The following DSG2 variants were observed in gnomAD, a reference collection of about 807,000 sequenced individuals.
DSG2 encodes desmoglein-2.
DSG2 carries 45 observed loss-of-function variants against 75.6 expected under a neutral mutation model. The ratio of observed to expected loss-of-function variants is 0.60; its 90% CI spans 0.47 to 0.76. The LOEUF is 0.76. Ranked by LOEUF, DSG2 falls within the 30% of genes least tolerant of loss-of-function variation. The pLI is 0.00. For synonymous variants in DSG2, 429 were observed against 483.9 expected, an observed-to-expected ratio of 0.89 and a Z score of 1.49; for missense variants, 1,267 against 1,357.4, an observed-to-expected ratio of 0.93 and a Z score of 1.05.
chr18:31,539,505 A>C (rs932331491), intron 12 of DSG2, among the ~76,000 whole-genome samples: 35 of 152,190 alleles, frequency 2.3e-4, no homozygotes, highest in African/African-American at 8.4e-4. Flanking sequence ...AGACCCTCTG[A>C]GCACTTCCTG....
rs771083574 is a variant in DSG2, at chr18:31,536,355, G to C, written c.1577G>C (p.Ser526Thr). Residue 526 changes from serine (S) to threonine (T), a missense_variant, in exon 11 of 15, where the codon AGT becomes ACT. Coordinates refer to ENST00000261590, the MANE Select transcript of DSG2 (RefSeq NM_001943.5). ...GAGGACCTGGATGGACACCCAAACAGTGGCCCTTTCAGTTTCTCCGTCATT... is the reference window on the plus strand; with the variant it reads ...GAGGACCTGGATGGACACCCAAACACTGGCCCTTTCAGTTTCTCCGTCATT... ...TAEDLDGHPN[S>T]GPFSFSVIDK... The C allele has an allele frequency of 6.2e-7, 1 of 1,614,078 alleles. No individual in the cohort carries two copies. Among genetic ancestry groups the C allele is most frequent in the Non-Finnish European group, 8.5e-7 (1 of 1,180,052 alleles).
chr18:31,547,164 A>G lies in DSG2; in HGVS notation c.*421A>G, dbSNP rs1337521952. 2 of 296,846 alleles carry G rather than the reference A, an allele frequency of 6.7e-6. No homozygotes were observed. Among genetic ancestry groups the G allele is most frequent in the Non-Finnish European group, 1.3e-5 (2 of 153,982 alleles). The allele number at this position is 296,846 out of a possible 1,614,324, so 18.4% of individuals were successfully genotyped here. On this transcript the variant is annotated 3_prime_UTR_variant, in exon 15 of 15. Coordinates refer to ENST00000261590, the MANE Select transcript of DSG2 (RefSeq NM_001943.5). ...TAAACATTGATGTTCTGTATTCTGT[A>G]CTTTACTGCACCCAGCAGACTTTCA...
At chr18:31,500,036 TAAAAAAAAAA>T (rs10625787) in intron 1 of DSG2, among the ~76,000 whole-genome samples, 1 of 110,996 alleles carries the variant, frequency 9.0e-6, no homozygotes, top group African/African-American at 3.3e-5. Flanking sequence ...AGTTTTTTGG[TAAAAAAAAAA>T]AAAAAAAAAA....
intron 1 of DSG2, among the ~76,000 whole-genome samples, chr18:31,514,033 A>G (rs1377787174): frequency 6.6e-6 from 1 of 152,246 alleles, no homozygotes; most frequent in African/African-American, 2.4e-5. Context: ...ACCAGAGGAT[A>G]TAAAGGAGAA....
At chr18:31,539,508 A>G (rs2073253431) in intron 12 of DSG2, among the ~76,000 whole-genome samples, 1 of 152,192 alleles carries the variant, frequency 6.6e-6, no homozygotes, top group South Asian at 2.1e-4. Flanking sequence ...CCCTCTGAGC[A>G]CTTCCTGTCC....
chr18:31,529,980 G>GTTATAAACA (rs1393422410), intron 8 of DSG2, among the ~76,000 whole-genome samples: 11 of 152,106 alleles, frequency 7.2e-5, no homozygotes, highest in African/African-American at 2.7e-4. Context: ...CTATGGAAAT[G>GTTATAAACA]TTTATAAAAA....
chr18:31,517,762 C>T (rs915169468), intron 1 of DSG2, among the ~76,000 whole-genome samples: 1 of 151,794 alleles, frequency 6.6e-6, no homozygotes, highest in African/African-American at 2.4e-5. Flanking sequence ...GCTGAGGAAC[C>T]GAGAAGTCAG....
At chr18:31,528,478 G>A (rs184726324) in intron 8 of DSG2, among the ~76,000 whole-genome samples, 65 of 152,228 alleles carry the variant, frequency 4.3e-4, no homozygotes, top group Non-Finnish European at 5.9e-4. Flanking sequence ...TTGGGAGGCC[G>A]AGGTTGGGGG....
chr18:31,544,891 C>G (rs942686323), intron 14 of DSG2, among the ~76,000 whole-genome samples: 16 of 152,162 alleles, frequency 1.1e-4, no homozygotes, highest in African/African-American at 3.6e-4. Flanking sequence ...GGAGGGGCTT[C>G]CATTGAGGAA....
In DSG2 at chr18:31,542,680, A is replaced by G. The variant is rs756912703; in HGVS notation, c.2162A>G (p.His721Arg). ...MSEMDGRWEE[H>R]RSLLSGRATQ... ...GAGATGGATGGAAGGTGGGAAGAAC[A>G]CAGAAGCCTGCTTTCTGGTAGAGCT... is the stretch of plus-strand genomic sequence containing the variant. Residue 721 changes from histidine (H) to arginine (R), a missense_variant, in exon 14 of 15, where the codon CAC becomes CGC. Coordinates refer to ENST00000261590, the MANE Select transcript of DSG2 (RefSeq NM_001943.5). 22 of 1,614,072 alleles carry G rather than the reference A, an allele frequency of 1.4e-5. No homozygotes were observed. In the Admixed American group the frequency reaches 3.5e-4, roughly 26 times the overall value.
intron 1 of DSG2, among the ~76,000 whole-genome samples, chr18:31,504,569 G>A (rs148883436): frequency 3.3e-5 from 5 of 152,080 alleles, no homozygotes; most frequent in African/African-American, 1.2e-4. Context: ...GACGGCAGAG[G>A]GGGGGACACA....
intron 12 of DSG2, 72 bp from the exon 13 acceptor site, chr18:31,541,120 CA>C: frequency 6.2e-7 from 1 of 1,604,132 alleles, no homozygotes; most frequent in Non-Finnish European, 8.5e-7. Context: ...ATGCAAATTC[CA>C]AAATTGTGCA....
chr18:31,537,537 T>C (rs12605787), intron 11 of DSG2, among the ~76,000 whole-genome samples: 33,261 of 151,282 alleles, frequency 0.22, 4,371 homozygotes, highest in East Asian at 0.47. Flanking sequence ...GAGAATGGCA[T>C]GAACCCAGAA....
chr18:31,533,349 G>GT (rs1450509259), intron 9 of DSG2, among the ~76,000 whole-genome samples: 2 of 152,100 alleles, frequency 1.3e-5, no homozygotes, highest in Non-Finnish European at 2.9e-5. Flanking sequence ...GGTGGCACAT[G>GT]TTTGTAGTCC....
intron 1 of DSG2, among the ~76,000 whole-genome samples, chr18:31,508,936 A>G (rs554292664): frequency 1.1e-4 from 17 of 152,294 alleles, no homozygotes; most frequent in Non-Finnish European, 2.1e-4. Flanking sequence ...AGACCTACTG[A>G]GTCAGACACT....
In DSG2 at chr18:31,518,282, A is replaced by AGGC. The variant is rs759298412; in HGVS notation, c.81+8_81+9insGGC. The AGGC allele has an allele frequency of 8.7e-6, 14 of 1,611,692 alleles. No homozygotes were observed. In the South Asian group the frequency reaches 1.4e-4, roughly 16 times the overall value. ...AGTGGACTTCACTTACAGGTGAGGA[A>AGGC]ACAAAGGGATTATTTCTGCCTTCTG... On this transcript the variant is annotated intron_variant, in intron 2 of 14. Coordinates refer to ENST00000261590, the MANE Select transcript of DSG2 (RefSeq NM_001943.5).
At chr18:31,525,914 G>A (rs929496635) in intron 8 of DSG2, among the ~76,000 whole-genome samples, 1 of 152,116 alleles carries the variant, frequency 6.6e-6, no homozygotes, top group African/African-American at 2.4e-5. Flanking sequence ...AGGCCGAGGA[G>A]GGCGGATCAC....
At chr18:31,514,629 C>T (rs1439085498) in intron 1 of DSG2, among the ~76,000 whole-genome samples, 1 of 152,134 alleles carries the variant, frequency 6.6e-6, no homozygotes, top group Non-Finnish European at 1.5e-5. Context: ...GGTCTGAGAA[C>T]CCACAACATT....
chr18:31,534,211 C>T (rs1053894136), intron 9 of DSG2, among the ~76,000 whole-genome samples: 13 of 152,130 alleles, frequency 8.5e-5, no homozygotes, highest in African/African-American at 3.1e-4. Flanking sequence ...TGGTCTTGAA[C>T]TCCTGACCTC....
Sources: gnomAD v4.1 joint callset for allele counts (sites outside exome capture counted in the v4.1 genomes callset) on GRCh38, gnomAD v4.1.1 for gene constraint, MANE v1.5 for transcripts, NCBI Gene and HGNC (gene_info 2026-07-23, HGNC 2026-07-21) for gene names.